DRC11: variants seen among roughly 807,000 people sequenced by gnomAD.
DRC11 encodes the protein dynein regulatory complex subunit 11.
chr2:236,458,754 G>GA, the DRC11 span, among the ~76,000 whole-genome samples: 184 of 150,586 alleles, frequency 1.2e-3, 1 homozygote, highest in African/African-American at 4.2e-3. Context: ...AAGTCAGTTA[G>GA]AAAAAAAAAG....
At chr2:236,310,281 G>A in the DRC11 span, among the ~76,000 whole-genome samples, 3 of 152,192 alleles carry the variant, frequency 2.0e-5, no homozygotes, top group African/African-American at 7.2e-5. The surrounding 1 kb of genome is among the most constrained non-coding windows in gnomAD (Gnocchi z 5.5). Flanking sequence ...AAATCCAGAT[G>A]CTAAGCATTT....
the DRC11 span, among the ~76,000 whole-genome samples, chr2:236,312,685 A>T: frequency 6.6e-6 from 1 of 151,784 alleles, no homozygotes; most frequent in Admixed American, 6.6e-5. Context: ...GAAGGAAAGA[A>T]ATGATAGAGA....
the DRC11 span, among the ~76,000 whole-genome samples, chr2:236,393,237 C>T: frequency 6.6e-6 from 1 of 152,164 alleles, no homozygotes; most frequent in African/African-American, 2.4e-5. This position sits in a 1 kb window ranked among gnomAD's most constrained non-coding sequence, Gnocchi z 4.7. Flanking sequence ...CTGGGAGCTG[C>T]CTTTAGGGTT....
the DRC11 span, among the ~76,000 whole-genome samples, chr2:236,319,029 GAGA>G: frequency 2.0e-5 from 3 of 152,200 alleles, no homozygotes; most frequent in African/African-American, 4.8e-5. This position sits in a 1 kb window ranked among gnomAD's most constrained non-coding sequence, Gnocchi z 6.7. Flanking sequence ...AGAGTGAAAT[GAGA>G]AGAAGGGTAG....
the DRC11 span, among the ~76,000 whole-genome samples, chr2:236,321,477 A>C: frequency 6.6e-6 from 1 of 152,170 alleles, no homozygotes; most frequent in African/African-American, 2.4e-5. Context: ...GAGTATATCT[A>C]AGCGTATCTA....
chr2:236,457,621 A>T, the DRC11 span, among the ~76,000 whole-genome samples: 1 of 152,098 alleles, frequency 6.6e-6, no homozygotes, highest in Non-Finnish European at 1.5e-5. This position sits in a 1 kb window ranked among gnomAD's most constrained non-coding sequence, Gnocchi z 4.7. Context: ...TGAGAGGGGG[A>T]GATGATTGTG....
chr2:236,383,962 A>G, the DRC11 span, among the ~76,000 whole-genome samples: 1 of 151,708 alleles, frequency 6.6e-6, no homozygotes, highest in Non-Finnish European at 1.5e-5. Flanking sequence ...ATGATTTCCA[A>G]TTTCATCCAT....
chr2:236,416,736 TATATATATATA>T, the DRC11 span, among the ~76,000 whole-genome samples: 21 of 51,292 alleles, frequency 4.1e-4, no homozygotes, highest in African/African-American at 1.6e-3. Context: ...TATATATATA[TATATATATATA>T]TATATATATA....
chr2:236,357,639 TGTA>T, the DRC11 span, among the ~76,000 whole-genome samples: 89 of 90,784 alleles, frequency 9.8e-4, no homozygotes, highest in African/African-American at 4.2e-3. Flanking sequence ...GCATATAATA[TGTA>T]AATATATAAA....
the DRC11 span, among the ~76,000 whole-genome samples, chr2:236,459,595 GTATACA>G: frequency 1.8e-4 from 20 of 108,826 alleles, no homozygotes; most frequent in African/African-American, 3.7e-4. Context: ...ATACGTATAC[GTATACA>G]TATATACGTA....
chr2:236,423,736 A>G, the DRC11 span, among the ~76,000 whole-genome samples: 2 of 152,222 alleles, frequency 1.3e-5, no homozygotes, highest in Non-Finnish European at 2.9e-5. Context: ...ATGCTGCTAT[A>G]AAGACACATG....
the DRC11 span, among the ~76,000 whole-genome samples, chr2:236,443,545 C>T: frequency 6.6e-6 from 1 of 152,290 alleles, no homozygotes; most frequent in Non-Finnish European, 1.5e-5. The surrounding 1 kb of genome is among the most constrained non-coding windows in gnomAD (Gnocchi z 4.4). Context: ...CATCCATGTC[C>T]CTGCAAAGGA....
chr2:236,357,290 A>C, the DRC11 span, among the ~76,000 whole-genome samples: 3 of 119,064 alleles, frequency 2.5e-5, no homozygotes, highest in Non-Finnish European at 4.7e-5. Flanking sequence ...ATATATTTAT[A>C]TATTATATAT....
At chr2:236,470,998 TA>T in the DRC11 span, among the ~76,000 whole-genome samples, 31 of 152,236 alleles carry the variant, frequency 2.0e-4, no homozygotes, top group African/African-American at 7.0e-4. The surrounding 1 kb of genome is among the most constrained non-coding windows in gnomAD (Gnocchi z 5.1). Context: ...CTACTTTCTT[TA>T]AAAATATATT....
At chr2:236,355,533 GTC>G in the DRC11 span, among the ~76,000 whole-genome samples, 1 of 152,144 alleles carries the variant, frequency 6.6e-6, no homozygotes. Context: ...CTCCCACCGT[GTC>G]CATACCCGAG....
chr2:236,366,114 A>G, the DRC11 span, among the ~76,000 whole-genome samples: 23,419 of 152,156 alleles, frequency 0.15, 2,013 homozygotes, highest in Admixed American at 0.21. Context: ...CTCTGTGAGC[A>G]TGCCCCCACC....
the DRC11 span, among the ~76,000 whole-genome samples, chr2:236,375,434 A>C: frequency 2.0e-5 from 3 of 152,246 alleles, no homozygotes; most frequent in Non-Finnish European, 4.4e-5. This position sits in a 1 kb window ranked among gnomAD's most constrained non-coding sequence, Gnocchi z 4.2. Flanking sequence ...AAAAACAGCC[A>C]TTTTAAAATA....
the DRC11 span, among the ~76,000 whole-genome samples, chr2:236,458,820 T>C: frequency 1.3e-5 from 2 of 151,972 alleles, no homozygotes; most frequent in Non-Finnish European, 2.9e-5. Context: ...CCGAGGCAGA[T>C]GGATTACCTG....
chr2:236,311,839 G>A, the DRC11 span, among the ~76,000 whole-genome samples: 10 of 152,136 alleles, frequency 6.6e-5, no homozygotes, highest in East Asian at 1.7e-3. The surrounding 1 kb of genome is among the most constrained non-coding windows in gnomAD (Gnocchi z 6.9). Context: ...AAGCCAGGCT[G>A]GAGAGAGCAG....
Sources: gnomAD v4.1 joint callset for allele counts (sites outside exome capture counted in the v4.1 genomes callset) on GRCh38, gnomAD v4.1.1 for gene constraint, Gnocchi (gnomAD v3.1) non-coding constraint, MANE v1.5 for transcripts, NCBI Gene and HGNC (gene_info 2026-07-23, HGNC 2026-07-21) for gene names.